The following BMS1 variants were observed in gnomAD, a reference collection of about 807,000 sequenced individuals.
The protein encoded by BMS1 is BMS1 ribosome biogenesis factor.
In BMS1, 53 loss-of-function variants were observed where a neutral mutation model predicts 138.7. That is an observed-to-expected ratio of 0.38 (90% CI 0.31 to 0.48). The LOEUF (loss-of-function observed/expected upper bound fraction) is 0.48, where lower values mean the gene tolerates loss of function less well. Among genes scored for constraint, BMS1 ranks in the 20% least tolerant of loss-of-function variants. The pLI is 0.97. For missense variants in BMS1, 1,360 were observed against 1,565.5 expected (o/e 0.87, Z 2.22); for synonymous variants, 504 against 539.9 (o/e 0.93, Z 0.92).
At chr10:42,795,228 T>G (rs534426927) in intron 9 of BMS1, among the ~76,000 whole-genome samples, 9 of 152,248 alleles carry the variant, frequency 5.9e-5, no homozygotes, top group East Asian at 1.9e-4. Context: ...AAACATACGT[T>G]TGCATGTGTC....
chr10:42,816,235 G>A (rs1225205928), intron 13 of BMS1, among the ~76,000 whole-genome samples: 1 of 152,216 alleles, frequency 6.6e-6, no homozygotes, highest in East Asian at 1.9e-4. Context: ...GGAGGCGGAG[G>A]TTGCAGTGAG....
intron 9 of BMS1, among the ~76,000 whole-genome samples, chr10:42,795,375 A>G (rs898658362): frequency 1.8e-4 from 28 of 151,538 alleles, no homozygotes; most frequent in African/African-American, 6.8e-4. Context: ...GCTGGAGTGC[A>G]GTGGTATGAT....
intron 13 of BMS1, among the ~76,000 whole-genome samples, chr10:42,806,928 G>C (rs1842029599): frequency 6.6e-6 from 1 of 152,144 alleles, no homozygotes; most frequent in South Asian, 2.1e-4. Context: ...CAGTATCTGT[G>C]TATATATGTA....
chr10:42,830,847 C>T lies in BMS1; in HGVS notation c.3619-19C>T, dbSNP rs749739668. 5.3e-5 allele frequency: 84 copies of T among 1,592,958 alleles called. 1 individual carries two copies. Among genetic ancestry groups the T allele is most frequent in the South Asian group, 6.8e-5 (6 of 87,596 alleles). The stretch of plus-strand genomic sequence containing the variant: ...TGTCTGAGAGCATTCTGATACTCAC[C>T]GGCTTTTGTCCTTGTCAGATCCTTG... On this transcript the variant is annotated intron_variant, in intron 22 of 22. Transcript: ENST00000374518.
intron 9 of BMS1, among the ~76,000 whole-genome samples, chr10:42,796,149 G>T (rs1433310085): frequency 6.6e-6 from 1 of 152,038 alleles, no homozygotes; most frequent in Non-Finnish European, 1.5e-5. Flanking sequence ...TTTTAGCTTA[G>T]AAATTAATCA....
intron 4 of BMS1, among the ~76,000 whole-genome samples, chr10:42,787,932 G>A (rs1218076533): frequency 6.6e-6 from 1 of 152,074 alleles, no homozygotes; most frequent in Non-Finnish European, 1.5e-5. Context: ...TTTTAAATTA[G>A]CAAAAATAAA....
chr10:42,805,753 T>C (rs1002018275), intron 13 of BMS1, among the ~76,000 whole-genome samples: 5 of 152,096 alleles, frequency 3.3e-5, no homozygotes, highest in African/African-American at 1.2e-4. Flanking sequence ...GAAATGCAGT[T>C]GATTTTTTTT....
intron 12 of BMS1, 24 bp downstream of exon 12, chr10:42,798,649 T>C (rs370100154): frequency 2.5e-6 from 4 of 1,609,712 alleles, no homozygotes; most frequent in Non-Finnish European, 3.4e-6. Flanking sequence ...GTACATTTGA[T>C]TTATTAGAGA....
In BMS1 at chr10:42,831,206, TC is replaced by T; in HGVS notation, c.*111del. The stretch of plus-strand genomic sequence containing the variant: ...TCAGTGGGAAAGAGCTCAAGAGATG[TC>T]TCTACTCAAACTGTGCCTGCAGGAG... On this transcript the variant is annotated 3_prime_UTR_variant, in exon 23 of 23. Transcript: ENST00000374518. 3 of 1,156,306 alleles carry T rather than the reference TC, an allele frequency of 2.6e-6. No homozygotes were observed. The highest frequency in any genetic ancestry group is 3.6e-6 in the Non-Finnish European group (3 of 827,426). The allele number at this position is 1,156,306 out of a possible 1,614,324, so 71.6% of individuals were successfully genotyped here.
At chr10:42,822,209 A>G in intron 19 of BMS1, 25 bp downstream of exon 19, 1 of 1,206,556 alleles carries the variant, frequency 8.3e-7, no homozygotes. Context: ...ATATTCTCAT[A>G]TTTATAAATG....
chr10:42,791,868 G>C (rs1229830580), intron 6 of BMS1, 99 bp downstream of exon 6: 1 of 1,394,224 alleles, frequency 7.2e-7, no homozygotes, highest in Non-Finnish European at 9.7e-7. Flanking sequence ...GTGCCGATTT[G>C]AATAGGGGGG....
chr10:42,806,514 A>T (rs1189369921), intron 13 of BMS1, among the ~76,000 whole-genome samples: 3 of 152,052 alleles, frequency 2.0e-5, no homozygotes, highest in Non-Finnish European at 4.4e-5. Context: ...AGGCGGGCGG[A>T]TCACGAGGTC....
intron 4 of BMS1, among the ~76,000 whole-genome samples, chr10:42,787,973 G>C (rs2132296160): frequency 6.6e-6 from 1 of 152,282 alleles, no homozygotes; most frequent in Non-Finnish European, 1.5e-5. Flanking sequence ...AAGCCATATT[G>C]ATTAGGAAGT....
intron 13 of BMS1, among the ~76,000 whole-genome samples, chr10:42,810,847 T>C (rs1448033069): frequency 5.3e-5 from 8 of 152,190 alleles, no homozygotes; most frequent in African/African-American, 1.7e-4. Flanking sequence ...TGCTTAATAC[T>C]CTTTAACGGC....
intron 13 of BMS1, among the ~76,000 whole-genome samples, chr10:42,813,627 G>T (rs1382480005): frequency 6.6e-6 from 1 of 152,166 alleles, no homozygotes; most frequent in South Asian, 2.1e-4. Flanking sequence ...ATTGTCTCGT[G>T]TATGTATCCA....
chr10:42,807,331 A>T (rs918484215), intron 13 of BMS1, among the ~76,000 whole-genome samples: 1 of 152,228 alleles, frequency 6.6e-6, no homozygotes, highest in African/African-American at 2.4e-5. Context: ...TTCACTCAGC[A>T]TAATTTCCTG....
rs1357937853 is a variant in BMS1, at chr10:42,817,417, A to G, written c.2503A>G (p.Met835Val). The change falls in exon 15 of 23, where the codon ATG becomes GTG. Residue 835 changes from methionine (M) to valine (V), a missense_variant. Around this residue, in one of 3 missense-constraint regions of BMS1, gnomAD observed 425 missense variants for 568.3 expected, o/e 0.75. Coordinates refer to ENST00000374518, the MANE Select transcript of BMS1 (RefSeq NM_014753.4). The stretch of plus-strand genomic sequence containing the variant: ...GGATAAGAAGAGAAAATTGAAGGAG[A>G]TGTTTGATGCAGAATATGATGAAGG... ...HLDKKRKLKE[M>V]FDAEYDEGES... 32 of 1,609,610 alleles carry G rather than the reference A, an allele frequency of 2.0e-5. No homozygotes were observed. In the Admixed American group the frequency reaches 5.1e-4, roughly 25 times the overall value.
intron 13 of BMS1, among the ~76,000 whole-genome samples, chr10:42,805,245 A>G (rs953676438): frequency 6.6e-6 from 1 of 151,898 alleles, no homozygotes; most frequent in East Asian, 1.9e-4. Context: ...CTGAAAATCT[A>G]TTTTTTTCCC....
At chr10:42,791,430 C>G (rs996479839) in intron 5 of BMS1, among the ~76,000 whole-genome samples, 197 bp from the exon 6 acceptor site, 1 of 152,138 alleles carries the variant, frequency 6.6e-6, no homozygotes, top group Admixed American at 6.5e-5. Context: ...TGCCCCGGCT[C>G]GGCTGCAGAG....
Sources: allele counts gnomAD v4.1 joint callset (sites outside exome capture counted in the v4.1 genomes callset), GRCh38; gene constraint gnomAD v4.1.1; regional missense constraint gnomAD v4.1.1; transcripts MANE v1.5; gene names NCBI Gene and HGNC (gene_info 2026-07-23, HGNC 2026-07-21).